The following MOB1B variants were observed in gnomAD, a reference collection of about 807,000 sequenced individuals.
The protein encoded by MOB1B is MOB1 Mps One Binder homolog B.
Under a neutral mutation model 24.4 loss-of-function variants are expected in MOB1B, and 19 were observed. That is an observed-to-expected ratio of 0.78 (90% CI 0.54 to 1.14). The LOEUF is 1.14. Among genes scored for constraint, MOB1B ranks in the 50% most tolerant of loss-of-function variants. The probability of loss-of-function intolerance (pLI) is 0.00; values close to 1 mark genes in which losing one functional copy is unlikely to be tolerated. For missense variants in MOB1B, 243 were observed against 259.6 expected (o/e 0.94, Z 0.44); for synonymous variants, 76 against 82.1 (o/e 0.93, Z 0.40).
intron 4 of MOB1B, chr4:70,976,263 T>G: frequency 1.0e-6 from 1 of 984,094 alleles, no homozygotes; most frequent in Non-Finnish European, 1.2e-6. Context: ...TTGAGTAGAT[T>G]GCTAATAACA....
At chr4:70,932,760 A>G (rs1736931584) in intron 1 of MOB1B, among the ~76,000 whole-genome samples, 1 of 152,214 alleles carries the variant, frequency 6.6e-6, no homozygotes, top group African/African-American at 2.4e-5. Flanking sequence ...CCATTGGTAT[A>G]TCACATTGAT....
intron 1 of MOB1B, among the ~76,000 whole-genome samples, chr4:70,906,503 C>CA (rs1315302421): frequency 1.3e-5 from 2 of 152,140 alleles, no homozygotes; most frequent in Non-Finnish European, 2.9e-5. Flanking sequence ...TACTGAACAT[C>CA]AATAAATCAT....
chr4:70,905,065 C>T (rs1232363116), intron 1 of MOB1B, among the ~76,000 whole-genome samples: 1 of 152,080 alleles, frequency 6.6e-6, no homozygotes, highest in African/African-American at 2.4e-5. Flanking sequence ...CATATTTAGC[C>T]CATGTGCTTG....
chr4:70,965,115 G>A (rs924601145), intron 2 of MOB1B, among the ~76,000 whole-genome samples: 3 of 151,750 alleles, frequency 2.0e-5, no homozygotes, highest in African/African-American at 7.3e-5. Context: ...TGGCCAACAT[G>A]GTGGAACCCC....
intron 1 of MOB1B, among the ~76,000 whole-genome samples, chr4:70,939,295 A>G (rs1416286010): frequency 6.6e-6 from 1 of 152,206 alleles, no homozygotes; most frequent in East Asian, 1.9e-4. Context: ...TTTAAATCAT[A>G]ATCTCATAGA....
At chr4:70,921,389 CA>C (rs1736430576) in intron 1 of MOB1B, among the ~76,000 whole-genome samples, 1 of 151,926 alleles carries the variant, frequency 6.6e-6, no homozygotes, top group Admixed American at 6.6e-5. Flanking sequence ...TTTGGCTCCA[CA>C]GTAAATCCAG....
intron 3 of MOB1B, among the ~76,000 whole-genome samples, chr4:70,971,933 CCTT>C (rs77450746): frequency 0.063 from 9,535 of 151,752 alleles, 612 homozygotes; most frequent in African/African-American, 0.15. Context: ...CTTTCTCCCT[CCTT>C]CTTTCTTCTT....
chr4:70,936,374 A>G (rs1342439166), intron 1 of MOB1B, among the ~76,000 whole-genome samples: 2 of 152,114 alleles, frequency 1.3e-5, no homozygotes, highest in African/African-American at 4.8e-5. Context: ...TTTTGCTTGC[A>G]AATCCTCAAA....
In MOB1B at chr4:70,958,933, A is replaced by G. The variant is rs961340952; in HGVS notation, c.74A>G (p.Gln25Arg). 1.2e-6 allele frequency: 2 copies of G among 1,614,152 alleles called. No individual in the cohort carries two copies. The highest frequency in any genetic ancestry group is 4.5e-5 in the East Asian group (2 of 44,884). The stretch of plus-strand genomic sequence containing the variant: ...AAGAACATTCCAGAGGGTTCTCACC[A>G]GTATGAGCTCTTAAAACACGCAGAA... Reference protein sequence around the residue: ...PKKNIPEGSHQYELLKHAEAT... With the variant: ...PKKNIPEGSHRYELLKHAEAT... Residue 25 changes from glutamine (Q) to arginine (R), a missense_variant, in exon 2 of 6, where the codon CAG becomes CGG. Coordinates refer to ENST00000309395, the MANE Select transcript of MOB1B (RefSeq NM_173468.4).
chr4:70,967,874 T>G (rs1330291437), intron 2 of MOB1B, among the ~76,000 whole-genome samples: 3 of 152,174 alleles, frequency 2.0e-5, no homozygotes, highest in Non-Finnish European at 4.4e-5. Context: ...TCATCCAGGT[T>G]GGAGTGCAGT....
At chr4:70,949,511 G>A (rs1389646277) in intron 1 of MOB1B, among the ~76,000 whole-genome samples, 1 of 152,196 alleles carries the variant, frequency 6.6e-6, no homozygotes, top group Non-Finnish European at 1.5e-5. Context: ...CAACATTTGG[G>A]GGAAATTGGT....
chr4:70,952,992 G>T (rs1737877787), intron 1 of MOB1B, among the ~76,000 whole-genome samples: 1 of 145,588 alleles, frequency 6.9e-6, no homozygotes. Context: ...GCCCAGCCTG[G>T]AGTGAAGTGG....
At chr4:70,950,824 A>G in intron 1 of MOB1B, 1 of 1,396,574 alleles carries the variant, frequency 7.2e-7, no homozygotes, top group Non-Finnish European at 9.8e-7. Flanking sequence ...TAGTACCTAG[A>G]GGCGGAGCAG....
chr4:70,907,555 C>T (rs993453277), intron 1 of MOB1B, among the ~76,000 whole-genome samples: 10 of 152,104 alleles, frequency 6.6e-5, no homozygotes, highest in Non-Finnish European at 1.3e-4. Context: ...TCACCGAGGA[C>T]GGTGGTGGCT....
intron 1 of MOB1B, among the ~76,000 whole-genome samples, chr4:70,936,004 A>G (rs566983052): frequency 1.6e-3 from 235 of 151,338 alleles, no homozygotes; most frequent in Non-Finnish European, 2.7e-3. Flanking sequence ...GGCGCCCACC[A>G]CTACGCCCGG....
chr4:70,982,100 G>A lies in MOB1B; in HGVS notation c.*43G>A, dbSNP rs758807930. 1 of 1,416,084 alleles carries A rather than the reference G, an allele frequency of 7.1e-7. No individual in the cohort carries two copies. The highest frequency in any genetic ancestry group is 1.4e-5 in the African/African-American group (1 of 70,948). The allele number at this position is 1,416,084 out of a possible 1,614,324, so 87.7% of individuals were successfully genotyped here. A position where few individuals can be genotyped will look rare whatever the true frequency, so the allele number is the denominator to read the frequency against. On this transcript the variant is annotated 3_prime_UTR_variant, in exon 6 of 6. Coordinates refer to ENST00000309395, the MANE Select transcript of MOB1B (RefSeq NM_173468.4). Reference sequence around the variant, plus strand: ...CAAATTGTTCCTCAAATGAAGCAGTGTGGAGTGTATTGGGGATTTTGTTAT... The same window carrying A: ...CAAATTGTTCCTCAAATGAAGCAGTATGGAGTGTATTGGGGATTTTGTTAT...
intron 2 of MOB1B, among the ~76,000 whole-genome samples, chr4:70,961,194 T>C (rs1738286658): frequency 6.6e-6 from 1 of 152,226 alleles, no homozygotes; most frequent in Non-Finnish European, 1.5e-5. Context: ...ATTACAGTTA[T>C]ACTGTAGTAA....
chr4:70,951,544 A>G (rs1737804211), intron 1 of MOB1B, among the ~76,000 whole-genome samples: 1 of 152,242 alleles, frequency 6.6e-6, no homozygotes, highest in South Asian at 2.1e-4. Context: ...CAGTAGAGTA[A>G]TGCAATGAAT....
Position 70,987,613 on chromosome 4 carries a change from A to G in MOB1B, c.*5556A>G, listed in dbSNP as rs1166830152. 1.3e-5 allele frequency: 2 copies of G among 152,294 alleles called. No homozygotes were observed. Among genetic ancestry groups the G allele is most frequent in the East Asian group, 3.9e-4 (2 of 5,194 alleles). 9.4% of individuals were successfully genotyped at this position (152,294 alleles called of 1,614,324 possible). A position where few individuals can be genotyped will look rare whatever the true frequency, so the allele number is the denominator to read the frequency against. On this transcript the variant is annotated 3_prime_UTR_variant, in exon 6 of 6. Transcript: ENST00000309395. ...GATGTTTTATTTGAACTTTTCCTAT[A>G]GGTTTAACTTTTACTGCATAGAATT...
Sources: allele counts gnomAD v4.1 joint callset (sites outside exome capture counted in the v4.1 genomes callset), GRCh38; gene constraint gnomAD v4.1.1; transcripts MANE v1.5; gene names NCBI Gene and HGNC (gene_info 2026-07-23, HGNC 2026-07-21).